Variants in CAMKMT observed in about 807,000 individuals in gnomAD.
CAMKMT encodes the protein CaM KMT.
In CAMKMT, 53 loss-of-function variants were observed where a neutral mutation model predicts 48.0. That is an observed-to-expected ratio of 1.10 (90% confidence interval 0.89 to 1.39). CAMKMT has a LOEUF of 1.39. Among genes scored for constraint, CAMKMT ranks in the 40% most tolerant of loss-of-function variants. The probability of loss-of-function intolerance (pLI) is 0.00; values close to 1 mark genes in which losing one functional copy is unlikely to be tolerated. For missense variants in CAMKMT, 428 were observed against 402.7 expected (o/e 1.06, Z -0.54); for synonymous variants, 165 against 152.3 (o/e 1.08, Z -0.61).
chr2:44,540,728 G>A (rs934139746), intron 3 of CAMKMT, among the ~76,000 whole-genome samples: 2 of 152,164 alleles, frequency 1.3e-5, no homozygotes, highest in Admixed American at 1.3e-4. Flanking sequence ...TCCAGCCTGG[G>A]CAACACAGCA....
intron 3 of CAMKMT, among the ~76,000 whole-genome samples, chr2:44,502,456 G>T (rs1399664407): frequency 6.6e-6 from 1 of 151,966 alleles, no homozygotes; most frequent in Admixed American, 6.6e-5. Flanking sequence ...TTTAAAAATG[G>T]CCAGTGCTTT....
intron 3 of CAMKMT, among the ~76,000 whole-genome samples, chr2:44,451,096 C>T (rs1349088048): frequency 6.6e-6 from 1 of 152,030 alleles, no homozygotes; most frequent in African/African-American, 2.4e-5. Flanking sequence ...TCTAATTTCC[C>T]ATGTAAATAA....
chr2:44,496,187 T>G (rs1314663083), intron 3 of CAMKMT, among the ~76,000 whole-genome samples: 1 of 152,228 alleles, frequency 6.6e-6, no homozygotes, highest in Non-Finnish European at 1.5e-5. Context: ...GACTATTAAT[T>G]TAACCAGCAT....
At chr2:44,755,703 G>T (rs1383154133) in intron 9 of CAMKMT, among the ~76,000 whole-genome samples, 2 of 152,172 alleles carry the variant, frequency 1.3e-5, no homozygotes, top group African/African-American at 4.8e-5. Context: ...GAATCCAGCA[G>T]CTCTTCTGTA....
chr2:44,692,919 T>C (rs1021482058), intron 3 of CAMKMT, among the ~76,000 whole-genome samples: 2 of 152,222 alleles, frequency 1.3e-5, no homozygotes, highest in Admixed American at 1.3e-4. Context: ...CCTCATTTCA[T>C]ATAAAATTGA....
Position 44,374,433 on chromosome 2 carries a change from A to G in CAMKMT, c.311+1545A>G, listed in dbSNP as rs1679480013. ...AAGGAAATGAAAGACAAGAAAGGACAGAGTGATCCAGTAGGGGTCTTTAGG... is the reference window on the plus strand; with the variant it reads ...AAGGAAATGAAAGACAAGAAAGGACGGAGTGATCCAGTAGGGGTCTTTAGG... On this transcript the variant is annotated intron_variant, in intron 2 of 10. Transcript: ENST00000378494. 2.0e-5 allele frequency among the ~76,000 whole-genome samples: 3 copies of G among 152,260 alleles called. No homozygotes were observed. In the South Asian group the frequency reaches 6.2e-4, roughly 32 times the overall value.
rs977568542 is a variant in CAMKMT at position 44,515,094 on chromosome 2, G to A, written c.376+124789G>A. On this transcript the variant is annotated intron_variant, in intron 3 of 10. Coordinates refer to ENST00000378494, the MANE Select transcript of CAMKMT (RefSeq NM_024766.5). ...CTCTATGTTTTAACTCTAAGGGGTG[G>A]GAGAAGCCAGTGGCTAGGGAAAGAC... is the stretch of plus-strand genomic sequence containing the variant. 3.9e-5 allele frequency among the ~76,000 whole-genome samples: 6 copies of A among 152,284 alleles called. No homozygotes were observed. The South Asian group carries it at 1.0e-3, about 26-fold the overall frequency.
intron 3 of CAMKMT, among the ~76,000 whole-genome samples, chr2:44,585,558 T>G (rs1669811247): frequency 6.6e-6 from 1 of 152,224 alleles, no homozygotes; most frequent in Admixed American, 6.5e-5. Flanking sequence ...TGAATTTCTG[T>G]GTCATGCATA....
intron 3 of CAMKMT, among the ~76,000 whole-genome samples, chr2:44,518,654 A>G (rs1434381099): frequency 6.6e-6 from 1 of 152,270 alleles, no homozygotes. Flanking sequence ...TGGAAAAGCT[A>G]TTTCTCTCCC....
intron 3 of CAMKMT, among the ~76,000 whole-genome samples, chr2:44,427,462 A>G (rs1684346157): frequency 6.6e-6 from 1 of 152,246 alleles, no homozygotes; most frequent in South Asian, 2.1e-4. Flanking sequence ...TCAACAAGAA[A>G]AAAAATGCCA....
chr2:44,545,982 A>G (rs1024595198), intron 3 of CAMKMT, among the ~76,000 whole-genome samples: 1 of 152,170 alleles, frequency 6.6e-6, no homozygotes, highest in Non-Finnish European at 1.5e-5. Context: ...TTTAGACTTT[A>G]AGTAAGACTA....
At chr2:44,625,247 C>G (rs972989651) in intron 3 of CAMKMT, among the ~76,000 whole-genome samples, 6 of 152,046 alleles carry the variant, frequency 3.9e-5, no homozygotes, top group South Asian at 4.1e-4. Context: ...CTAATGATTG[C>G]TGATGTTGAA....
chr2:44,697,296 A>G (rs1558802511), intron 3 of CAMKMT, among the ~76,000 whole-genome samples: 1 of 152,132 alleles, frequency 6.6e-6, no homozygotes, highest in Non-Finnish European at 1.5e-5. Flanking sequence ...AGAGGAAGAC[A>G]ATGGGTAGAG....
At chr2:44,515,732 A>G (rs1235563105) in intron 3 of CAMKMT, among the ~76,000 whole-genome samples, 1 of 152,224 alleles carries the variant, frequency 6.6e-6, no homozygotes, top group Non-Finnish European at 1.5e-5. Flanking sequence ...GGGAGGAACT[A>G]ATGGAAGCTT....
At chr2:44,444,193 G>C (rs942561939) in intron 3 of CAMKMT, among the ~76,000 whole-genome samples, 8 of 152,186 alleles carry the variant, frequency 5.3e-5, no homozygotes, top group African/African-American at 1.9e-4. Flanking sequence ...CCAGCACCGT[G>C]TTGGATACCA....
At chr2:44,595,759 A>G (rs1670614358) in intron 3 of CAMKMT, among the ~76,000 whole-genome samples, 1 of 152,242 alleles carries the variant, frequency 6.6e-6, no homozygotes, top group Non-Finnish European at 1.5e-5. Context: ...CATAGACTGG[A>G]TAAATGAAAT....
Position 44,448,020 on chromosome 2 carries a change from A to T in CAMKMT, c.376+57715A>T, listed in dbSNP as rs954810222. On this transcript the variant is annotated intron_variant, in intron 3 of 10. Transcript: ENST00000378494. ...GCTAGAGATTGTATTCTGTTTCTTA[A>T]TTTTTTTTCACTTAACATTTATTAC... 3.3e-5 allele frequency among the ~76,000 whole-genome samples: 5 copies of T among 151,784 alleles called. No individual in the cohort carries two copies. In the South Asian group the frequency reaches 8.3e-4, roughly 25 times the overall value.
At chr2:44,525,742 AT>A (rs1278904825) in intron 3 of CAMKMT, among the ~76,000 whole-genome samples, 3 of 152,154 alleles carry the variant, frequency 2.0e-5, no homozygotes, top group Non-Finnish European at 2.9e-5. Context: ...AGGGTAATTC[AT>A]TTGTATGAGG....
At chr2:44,434,666 TTG>T (rs78290319) in intron 3 of CAMKMT, among the ~76,000 whole-genome samples, 1 of 151,962 alleles carries the variant, frequency 6.6e-6, no homozygotes, top group Non-Finnish European at 1.5e-5. Flanking sequence ...TGAAGCAGCT[TTG>T]TGTGTGTGTG....
Sources: gnomAD v4.1 joint callset for allele counts (sites outside exome capture counted in the v4.1 genomes callset) on GRCh38, gnomAD v4.1.1 for gene constraint, MANE v1.5 for transcripts, NCBI Gene and HGNC (gene_info 2026-07-23, HGNC 2026-07-21) for gene names.